TNRC6B: variants seen among roughly 807,000 people sequenced by gnomAD.
TNRC6B encodes the protein trinucleotide repeat-containing gene 6B protein.
Under a neutral mutation model 203.6 loss-of-function variants are expected in TNRC6B, and 52 were observed. That is an observed-to-expected ratio of 0.26 (90% confidence interval 0.20 to 0.32). The LOEUF (loss-of-function observed/expected upper bound fraction) is 0.32. Ranked by LOEUF, TNRC6B falls within the 10% of genes least tolerant of loss-of-function variation. The pLI, the probability that TNRC6B is intolerant of heterozygous loss-of-function variation, is 1.00. For synonymous variants in TNRC6B, 838 were observed against 845.7 expected (o/e 0.99, Z 0.16); for missense variants, 1,923 against 2,286.2 (o/e 0.84, Z 3.24).
intron 1 of TNRC6B, among the ~76,000 whole-genome samples, chr22:40,046,976 C>T (rs1029766978): frequency 6.6e-6 from 1 of 152,112 alleles, no homozygotes; most frequent in Non-Finnish European, 1.5e-5. Flanking sequence ...AGCAATACCA[C>T]TTGTTGAAAT....
At chr22:40,225,742 CAAA>C (rs34769532) in intron 1 of TNRC6B, among the ~76,000 whole-genome samples, 4 of 64,374 alleles carry the variant, frequency 6.2e-5, no homozygotes, top group Non-Finnish European at 1.0e-4. Context: ...GACTCCGTCT[CAAA>C]AAAAAAAAAA....
chr22:40,257,087 G>A (rs1242443067), intron 3 of TNRC6B, among the ~76,000 whole-genome samples: 1 of 152,196 alleles, frequency 6.6e-6, no homozygotes, highest in African/African-American at 2.4e-5. Flanking sequence ...GATTTAAAAT[G>A]TTCAGCCTAG....
chr22:40,325,638 C>T lies in TNRC6B; in HGVS notation c.*2397C>T, dbSNP rs1338326718. The T allele has an allele frequency of 6.5e-6, 1 of 152,768 alleles. No homozygotes were observed. Among genetic ancestry groups the T allele is most frequent in the Non-Finnish European group, 1.5e-5 (1 of 68,138 alleles). The allele number at this position is 152,768 out of a possible 1,614,324, so 9.5% of individuals were successfully genotyped here. ...AAAGCTCTGCTTCCAGCAGCCCCCA[C>T]TGACCGCTCTCTGTGTGGAGCAAAG... On this transcript the variant is annotated 3_prime_UTR_variant, in exon 23 of 23. Transcript: ENST00000454349.
chr22:40,046,589 C>T (rs1177927719), intron 1 of TNRC6B, among the ~76,000 whole-genome samples: 2 of 151,738 alleles, frequency 1.3e-5, no homozygotes, highest in African/African-American at 4.8e-5. Flanking sequence ...AAAAGATTTC[C>T]CTCATTCAAA....
chr22:40,136,890 G>A (rs986163376), intron 3 of TNRC6B, among the ~76,000 whole-genome samples: 5 of 152,038 alleles, frequency 3.3e-5, no homozygotes, highest in Admixed American at 6.6e-5. Context: ...GCAAGTAAAC[G>A]TAGTCTTTGT....
intron 3 of TNRC6B, among the ~76,000 whole-genome samples, chr22:40,255,679 G>A (rs2070264676): frequency 6.6e-6 from 1 of 152,120 alleles, no homozygotes; most frequent in Non-Finnish European, 1.5e-5. Flanking sequence ...CCGATTAGGA[G>A]GCCAGGTGTT....
chr22:40,209,522 A>G (rs140271140), intron 1 of TNRC6B, among the ~76,000 whole-genome samples: 4 of 152,316 alleles, frequency 2.6e-5, no homozygotes, highest in Admixed American at 6.5e-5. Context: ...GGTTCAGGAC[A>G]TGGTGGTAGT....
chr22:40,241,900 G>A (rs938487064), intron 1 of TNRC6B, among the ~76,000 whole-genome samples: 1 of 152,086 alleles, frequency 6.6e-6, no homozygotes, highest in African/African-American at 2.4e-5. Flanking sequence ...TGTTGATGTT[G>A]TTCCAGATTT....
chr22:40,061,801 C>T (rs1049597142), intron 1 of TNRC6B, among the ~76,000 whole-genome samples: 3 of 152,012 alleles, frequency 2.0e-5, no homozygotes, highest in Non-Finnish European at 2.9e-5. Flanking sequence ...AGGCTGGGCA[C>T]GGTGGCTCAC....
Position 40,267,079 on chromosome 22 carries a change from A to G in TNRC6B, c.2806+43A>G, listed in dbSNP as rs769794412. 8 of 1,476,818 alleles carry G rather than the reference A, an allele frequency of 5.4e-6. No individual in the cohort carries two copies. The South Asian group carries it at 1.1e-4, about 21-fold the overall frequency. The allele number at this position is 1,476,818 out of a possible 1,614,324, so 91.5% of individuals were successfully genotyped here. Reference sequence around the variant, plus strand: ...CTTGCAGCTTTTGATGAAGAAAAGGAATCCTAGACCAAGGCATTTTTATTA... The same window carrying G: ...CTTGCAGCTTTTGATGAAGAAAAGGGATCCTAGACCAAGGCATTTTTATTA... On this transcript the variant is annotated intron_variant, in intron 5 of 22. Coordinates refer to ENST00000454349, the MANE Select transcript of TNRC6B (RefSeq NM_001162501.2).
At chr22:40,119,359 G>A (rs568753352) in intron 2 of TNRC6B, among the ~76,000 whole-genome samples, 80 of 152,290 alleles carry the variant, frequency 5.3e-4, no homozygotes, top group Admixed American at 8.5e-4. Context: ...CTAGGCGGGC[G>A]GATCACTTGA....
At chr22:40,312,483 A>C in intron 17 of TNRC6B, 22 bp from the exon 18 acceptor site, 2 of 1,598,312 alleles carry the variant, frequency 1.3e-6, no homozygotes, top group Admixed American at 1.8e-5. Context: ...TCCTTCTCTA[A>C]TATTTGTTTT....
At chr22:40,187,635 C>T (rs901062773) in intron 1 of TNRC6B, among the ~76,000 whole-genome samples, 1 of 151,996 alleles carries the variant, frequency 6.6e-6, no homozygotes, top group African/African-American at 2.4e-5. Context: ...AGTCAGTGTC[C>T]CAGCGTCCCT....
intron 1 of TNRC6B, among the ~76,000 whole-genome samples, chr22:40,067,724 A>T (rs763793438): frequency 2.6e-5 from 4 of 152,132 alleles, no homozygotes; most frequent in Non-Finnish European, 5.9e-5. Context: ...CCATCCTGGA[A>T]GAGACAGAGA....
chr22:40,100,699 G>A (rs2068232030), intron 1 of TNRC6B, among the ~76,000 whole-genome samples: 1 of 152,164 alleles, frequency 6.6e-6, no homozygotes, highest in African/African-American at 2.4e-5. Context: ...ATACCATTTT[G>A]TTTCAGGGAC....
intron 1 of TNRC6B, among the ~76,000 whole-genome samples, chr22:40,183,854 C>A (rs547046665): frequency 1.5e-3 from 228 of 152,158 alleles, no homozygotes; most frequent in African/African-American, 4.2e-3. Context: ...GCCACTACAC[C>A]CAGCTAATTT....
intron 1 of TNRC6B, among the ~76,000 whole-genome samples, chr22:40,191,083 A>G (rs557609229): frequency 6.6e-6 from 1 of 152,296 alleles, no homozygotes; most frequent in African/African-American, 2.4e-5. Flanking sequence ...GGAATGGGAA[A>G]GTCTCCCCCA....
intron 3 of TNRC6B, among the ~76,000 whole-genome samples, chr22:40,256,810 C>T (rs1229025313): frequency 6.6e-6 from 1 of 152,134 alleles, no homozygotes; most frequent in Non-Finnish European, 1.5e-5. Flanking sequence ...AGCTGGAGCA[C>T]GTCTCACAGA....
chr22:40,321,293 G>A, intron 22 of TNRC6B, 64 bp downstream of exon 22: 1 of 1,566,386 alleles, frequency 6.4e-7, no homozygotes, highest in Non-Finnish European at 8.7e-7. Context: ...TGAGTATTCT[G>A]GCAGCTGCTG....
Sources: allele counts gnomAD v4.1 joint callset (sites outside exome capture counted in the v4.1 genomes callset), GRCh38; gene constraint gnomAD v4.1.1; transcripts MANE v1.5; gene names NCBI Gene and HGNC (gene_info 2026-07-23, HGNC 2026-07-21).